The following PRKAR2A variants were observed in gnomAD, a reference collection of about 807,000 sequenced individuals.
PRKAR2A encodes the protein protein kinase cAMP-dependent type II regulatory subunit alpha.
Under a neutral mutation model 51.9 loss-of-function variants are expected in PRKAR2A, and 29 were observed. The ratio of observed to expected loss-of-function variants is 0.56; its 90% CI spans 0.42 to 0.76. The LOEUF (loss-of-function observed/expected upper bound fraction) is 0.76. Ranked by LOEUF, PRKAR2A falls within the 30% of genes least tolerant of loss-of-function variation. The probability of loss-of-function intolerance (pLI) is 0.00; values close to 1 mark genes in which losing one functional copy is unlikely to be tolerated. For missense variants in PRKAR2A, 445 were observed against 512.1 expected (o/e 0.87, Z 1.26); for synonymous variants, 178 against 186.2 (o/e 0.96, Z 0.36).
chr3:48,847,278 C>T lies in PRKAR2A; in HGVS notation c.262+57G>A, dbSNP rs1037899167. The T allele has an allele frequency of 5.7e-6, 9 of 1,585,736 alleles. No homozygotes were observed. The highest frequency in any genetic ancestry group is 1.4e-5 in the African/African-American group (1 of 73,244). On this transcript the variant is annotated intron_variant, in intron 1 of 10. Transcript: ENST00000265563. This position sits in a 1 kb window ranked among gnomAD's most constrained non-coding sequence, Gnocchi z 4.4. Reference sequence around the variant, plus strand: ...GCGCGACACCTGGCTCCCTGCCACCCCTCTAGACCTCTGGAGACCTCCTGC... The same window carrying T: ...GCGCGACACCTGGCTCCCTGCCACCTCTCTAGACCTCTGGAGACCTCCTGC...
intron 6 of PRKAR2A, among the ~76,000 whole-genome samples, chr3:48,768,885 G>C (rs2081980311): frequency 6.6e-6 from 1 of 151,912 alleles, no homozygotes. Context: ...GATCACTTGA[G>C]GTCAGGAGTT....
Position 48,831,217 on chromosome 3 carries a change from G to A in PRKAR2A, c.262+16118C>T, listed in dbSNP as rs569984675. On this transcript the variant is annotated intron_variant, in intron 1 of 10. Transcript: ENST00000265563. Reference sequence around the variant, plus strand: ...ACACAACATCATAATGTCACTAAGCGATAGGAATTTTTTAGCTCTATTATA... The same window carrying A: ...ACACAACATCATAATGTCACTAAGCAATAGGAATTTTTTAGCTCTATTATA... Among the ~76,000 whole-genome samples, 431 of 152,236 alleles carry A rather than the reference G, an allele frequency of 2.8e-3. 3 individuals carry two copies. Among genetic ancestry groups the A allele is most frequent in the African/African-American group, 9.8e-3 (407 of 41,540 alleles).
At position 48,847,660 on chromosome 3, in the gene PRKAR2A, C is replaced by G; in HGVS notation, c.-64G>C. 2 of 1,380,686 alleles carry G rather than the reference C, an allele frequency of 1.4e-6. No individual in the cohort carries two copies. Among genetic ancestry groups the G allele is most frequent in the South Asian group, 1.6e-5 (1 of 61,378 alleles). 85.5% of individuals were successfully genotyped at this position (1,380,686 alleles called of 1,614,324 possible). On this transcript the variant is annotated 5_prime_UTR_variant, in exon 1 of 11. Coordinates refer to ENST00000265563, the MANE Select transcript of PRKAR2A (RefSeq NM_004157.4). This position sits in a 1 kb window ranked among gnomAD's most constrained non-coding sequence, Gnocchi z 4.4. Reference sequence around the variant, plus strand: ...GGCGGCCACTGTCTCCGCGCTCACTCACGCCGGCCTTTCGCTCCGCGCCCG... The same window carrying G: ...GGCGGCCACTGTCTCCGCGCTCACTGACGCCGGCCTTTCGCTCCGCGCCCG...
chr3:48,764,583 T>C (rs1435097295), intron 8 of PRKAR2A, among the ~76,000 whole-genome samples: 2 of 152,054 alleles, frequency 1.3e-5, no homozygotes, highest in African/African-American at 4.8e-5. Flanking sequence ...GTATGATCTA[T>C]TACCTGGTAA....
chr3:48,805,743 T>C (rs1036949476), intron 2 of PRKAR2A, among the ~76,000 whole-genome samples: 18 of 152,246 alleles, frequency 1.2e-4, no homozygotes, highest in East Asian at 3.8e-4. Flanking sequence ...TAAAGGATAC[T>C]TTCTCTCCTG....
At chr3:48,807,885 T>C (rs1036538002) in intron 1 of PRKAR2A, among the ~76,000 whole-genome samples, 2 of 152,210 alleles carry the variant, frequency 1.3e-5, no homozygotes, top group African/African-American at 2.4e-5. Context: ...CAGTATTTCT[T>C]TGAAAACAAA....
At chr3:48,771,106 C>T (rs904164607) in intron 6 of PRKAR2A, among the ~76,000 whole-genome samples, 8 of 151,904 alleles carry the variant, frequency 5.3e-5, no homozygotes, top group Admixed American at 4.6e-4. Context: ...CATGTGCACA[C>T]GTCTGTAATC....
intron 2 of PRKAR2A, among the ~76,000 whole-genome samples, chr3:48,807,434 C>T (rs1359375347): frequency 1.3e-5 from 2 of 151,978 alleles, no homozygotes; most frequent in African/African-American, 2.4e-5. Context: ...ATGACATAAA[C>T]GCAAAGAGAC....
intron 1 of PRKAR2A, among the ~76,000 whole-genome samples, chr3:48,840,600 G>A (rs1160075612): frequency 2.9e-5 from 3 of 103,618 alleles, no homozygotes; most frequent in South Asian, 3.3e-4. Context: ...TTTTTGAGAC[G>A]GAGTCTCACT....
chr3:48,807,474 T>C lies in PRKAR2A; in HGVS notation c.298+175A>G, dbSNP rs374951588. On this transcript the variant is annotated intron_variant, in intron 2 of 10. Coordinates refer to ENST00000265563, the MANE Select transcript of PRKAR2A (RefSeq NM_004157.4). ...TGTACCAATTATAGTATAAAATACG[T>C]ACATACATACTCAGAACTTAAAATA... 5.9e-5 allele frequency among the ~76,000 whole-genome samples: 9 copies of C among 152,292 alleles called. No individual in the cohort carries two copies. The East Asian group carries it at 1.7e-3, about 29-fold the overall frequency.
intron 1 of PRKAR2A, among the ~76,000 whole-genome samples, chr3:48,844,691 C>G (rs1423990598): frequency 6.6e-6 from 1 of 150,722 alleles, no homozygotes; most frequent in African/African-American, 2.4e-5. Context: ...TTTGTAGGGA[C>G]ATGGATGAAA....
intron 5 of PRKAR2A, among the ~76,000 whole-genome samples, chr3:48,781,559 C>T (rs1456511815): frequency 6.6e-6 from 1 of 151,986 alleles, no homozygotes; most frequent in Non-Finnish European, 1.5e-5. Flanking sequence ...GTTGCCCAGG[C>T]TGGTGTGCAG....
At chr3:48,760,697 T>C (rs2081850504) in intron 8 of PRKAR2A, among the ~76,000 whole-genome samples, 2 of 148,958 alleles carry the variant, frequency 1.3e-5, no homozygotes, top group African/African-American at 2.5e-5. Context: ...TAGCTGGGCA[T>C]GGTGGTGCAT....
chr3:48,840,567 C>CTTT (rs760883553), intron 1 of PRKAR2A, among the ~76,000 whole-genome samples: 19 of 69,468 alleles, frequency 2.7e-4, no homozygotes, highest in East Asian at 2.3e-3. Flanking sequence ...TTGTTTTCAC[C>CTTT]TTTTTTTTTT....
chr3:48,782,994 G>A lies in PRKAR2A; in HGVS notation c.534C>T (p.Val178=). 1 of 1,604,704 alleles carries A rather than the reference G, an allele frequency of 6.2e-7. No individual in the cohort carries two copies. The highest frequency in any genetic ancestry group is 8.5e-7 in the Non-Finnish European group (1 of 1,171,604). Residue 178 remains valine (V), a synonymous_variant, in exon 5 of 11, where the codon GTC becomes GTT. Coordinates refer to ENST00000265563, the MANE Select transcript of PRKAR2A (RefSeq NM_004157.4). ...DQGDDGDNFY[V]IERGTYDILV... is the part of the protein sequence containing the mutation. Reference sequence around the variant, plus strand: ...AAAGCTCCATCTCCTACCGTTCTATGACATAAAAGTTGTCTCCATCATCTC... The same window carrying A: ...AAAGCTCCATCTCCTACCGTTCTATAACATAAAAGTTGTCTCCATCATCTC...
chr3:48,821,286 A>T (rs1485812729), intron 1 of PRKAR2A, among the ~76,000 whole-genome samples: 2 of 152,192 alleles, frequency 1.3e-5, no homozygotes, highest in Admixed American at 6.5e-5. Context: ...TAAAAGGATC[A>T]TTCTCTGCTG....
At chr3:48,789,591 A>G (rs1292657058) in intron 4 of PRKAR2A, among the ~76,000 whole-genome samples, 3 of 151,374 alleles carry the variant, frequency 2.0e-5, no homozygotes, top group African/African-American at 7.3e-5. Flanking sequence ...CCTGGATTCA[A>G]GCAATTCTCC....
chr3:48,793,913 G>T (rs1460888668), intron 3 of PRKAR2A, 84 bp downstream of exon 3: 3 of 1,025,022 alleles, frequency 2.9e-6, no homozygotes, highest in Non-Finnish European at 4.5e-6. Context: ...TTAATTATTA[G>T]CATGATGAGT....
intron 1 of PRKAR2A, among the ~76,000 whole-genome samples, chr3:48,838,707 G>A (rs187462966): frequency 1.8e-4 from 28 of 151,954 alleles, no homozygotes; most frequent in African/African-American, 4.8e-4. Context: ...CGCCAGGCGC[G>A]ATGGCTCATG....
Sources: allele counts gnomAD v4.1 joint callset (sites outside exome capture counted in the v4.1 genomes callset), GRCh38; gene constraint gnomAD v4.1.1; non-coding constraint Gnocchi (gnomAD v3.1); transcripts MANE v1.5; gene names NCBI Gene and HGNC (gene_info 2026-07-23, HGNC 2026-07-21).